The following SFXN5 variants were observed in gnomAD, a reference collection of about 807,000 sequenced individuals.
SFXN5 encodes sideroflexin 5, also known as sideroflexin-5.
In SFXN5, 43 loss-of-function variants were observed where a neutral mutation model predicts 50.2. The observed-to-expected ratio is 0.86, with a 90% CI of 0.67 to 1.11. The LOEUF (loss-of-function observed/expected upper bound fraction) is 1.11, where lower values mean the gene tolerates loss of function less well. Ranked by LOEUF, SFXN5 falls within the 50% of genes least tolerant of loss-of-function variation. SFXN5 has a pLI of 0.00. For missense variants in SFXN5, 463 were observed against 454.1 expected, an observed-to-expected ratio of 1.02 and a Z score of -0.18; for synonymous variants, 203 against 185.8, an observed-to-expected ratio of 1.09 and a Z score of -0.75.
At chr2:72,985,815 C>T (rs1267594760) in intron 10 of SFXN5, among the ~76,000 whole-genome samples, 1 of 152,202 alleles carries the variant, frequency 6.6e-6, no homozygotes, top group Non-Finnish European at 1.5e-5. Context: ...GGGAATTACA[C>T]TGGAGTCTGA....
chr2:73,023,972 G>A (rs958942709), intron 3 of SFXN5, among the ~76,000 whole-genome samples: 2 of 152,086 alleles, frequency 1.3e-5, no homozygotes, highest in Non-Finnish European at 2.9e-5. Flanking sequence ...AGACACCACT[G>A]ATCCTAAGAT....
intron 6 of SFXN5, among the ~76,000 whole-genome samples, chr2:73,017,708 G>A (rs1676350144): frequency 6.6e-6 from 1 of 152,166 alleles, no homozygotes; most frequent in South Asian, 2.1e-4. Flanking sequence ...TGAACATCGA[G>A]ATGTTTGATG....
At chr2:73,060,649 A>C (rs957972711) in intron 1 of SFXN5, among the ~76,000 whole-genome samples, 4 of 152,108 alleles carry the variant, frequency 2.6e-5, no homozygotes, top group African/African-American at 9.7e-5. Flanking sequence ...TATCCATGTT[A>C]AGTCTCCTGA....
chr2:72,964,859 C>T (rs1017177773), intron 12 of SFXN5, among the ~76,000 whole-genome samples: 3 of 152,186 alleles, frequency 2.0e-5, no homozygotes, highest in African/African-American at 7.2e-5. Context: ...GGCACCCAGA[C>T]ACTAGGCAGG....
chr2:72,996,335 C>T lies in SFXN5; in HGVS notation c.534+2614G>A, dbSNP rs115581107. ...CAGCAAGAGCTCAGCTCTGGGAACC[C>T]CAGAGGGCTCCAAGTCCCCCAGTAA... is the stretch of plus-strand genomic sequence containing the variant. On this transcript the variant is annotated intron_variant, in intron 9 of 13. Coordinates refer to ENST00000272433, the MANE Select transcript of SFXN5 (RefSeq NM_144579.3). Among the ~76,000 whole-genome samples, 1,155 of 152,196 alleles carry T rather than the reference C, an allele frequency of 7.6e-3. 14 individuals carry two copies. Among genetic ancestry groups the T allele is most frequent in the African/African-American group, 0.026 (1,078 of 41,520 alleles).
chr2:72,944,316 A>T lies in SFXN5; in HGVS notation c.*706T>A, dbSNP rs1189615926. The T allele has an allele frequency of 6.6e-6, 1 of 152,244 alleles. No individual in the cohort carries two copies. Among genetic ancestry groups the T allele is most frequent in the East Asian group, 1.9e-4 (1 of 5,202 alleles). The allele number at this position is 152,244 out of a possible 1,614,324, so 9.4% of individuals were successfully genotyped here. On this transcript the variant is annotated 3_prime_UTR_variant, in exon 14 of 14. Coordinates refer to ENST00000272433, the MANE Select transcript of SFXN5 (RefSeq NM_144579.3). ...GAAGGGGGACCCTAGCTCCAGGGTC[A>T]CTGGACTTCACTCAGAGGGACTGGT...
At chr2:72,976,040 A>T (rs181043899) in intron 10 of SFXN5, among the ~76,000 whole-genome samples, 33 of 152,366 alleles carry the variant, frequency 2.2e-4, no homozygotes, top group Non-Finnish European at 4.4e-4. Context: ...TGTTATGTGA[A>T]AAAAGCTACT....
Position 72,960,998 on chromosome 2 carries a change from G to T in SFXN5, c.945+133C>A. On this transcript the variant is annotated intron_variant, in intron 13 of 13. Transcript: ENST00000272433. This position sits in a 1 kb window ranked among gnomAD's most constrained non-coding sequence, Gnocchi z 6.1. ...CCTCACTCTGAGGGCCAGAGCCTGGGCCAGCCTCATTCACGGTTCCAGCCC... is the reference window on the plus strand; with the variant it reads ...CCTCACTCTGAGGGCCAGAGCCTGGTCCAGCCTCATTCACGGTTCCAGCCC... The T allele has an allele frequency of 1.8e-6, 1 of 567,724 alleles. No individual in the cohort carries two copies. Among genetic ancestry groups the T allele is most frequent in the Non-Finnish European group, 2.9e-6 (1 of 350,262 alleles). 35.2% of individuals were successfully genotyped at this position (567,724 alleles called of 1,614,324 possible). A position where few individuals can be genotyped will look rare whatever the true frequency, so the allele number is the denominator to read the frequency against.
intron 10 of SFXN5, among the ~76,000 whole-genome samples, chr2:72,979,858 G>T (rs1430509720): frequency 6.6e-6 from 1 of 152,044 alleles, no homozygotes; most frequent in Non-Finnish European, 1.5e-5. Flanking sequence ...GATATAATAG[G>T]CAGAGATTCA....
intron 10 of SFXN5, among the ~76,000 whole-genome samples, chr2:72,985,648 G>A (rs190452262): frequency 1.5e-3 from 230 of 152,256 alleles, no homozygotes; most frequent in Non-Finnish European, 2.8e-3. Flanking sequence ...AGAGGAAGAA[G>A]CCACAAAGGG....
intron 3 of SFXN5, 91 bp downstream of exon 3, chr2:73,040,763 A>T (rs1260174732): frequency 8.7e-6 from 9 of 1,035,736 alleles, no homozygotes; most frequent in Non-Finnish European, 1.3e-5. Context: ...GCTGGACGAA[A>T]GAAGTGGTTC....
Position 72,987,597 on chromosome 2 carries a change from A to C in SFXN5, c.625+661T>G, listed in dbSNP as rs566478548. On this transcript the variant is annotated intron_variant, in intron 10 of 13. Coordinates refer to ENST00000272433, the MANE Select transcript of SFXN5 (RefSeq NM_144579.3). ...ATGGTGAAACCCCATCTCTACTAAAAATGCAAAATTAGATGGGCATGGTGG... is the reference window on the plus strand; with the variant it reads ...ATGGTGAAACCCCATCTCTACTAAACATGCAAAATTAGATGGGCATGGTGG... Among the ~76,000 whole-genome samples the C allele has an allele frequency of 3.3e-5, 5 of 151,828 alleles. No individual in the cohort carries two copies. The South Asian group carries it at 1.0e-3, about 32-fold the overall frequency.
At chr2:73,015,826 C>T (rs1364842073) in intron 6 of SFXN5, among the ~76,000 whole-genome samples, 2 of 151,860 alleles carry the variant, frequency 1.3e-5, no homozygotes, top group African/African-American at 2.4e-5. Context: ...AATCCCAACA[C>T]TTTGGGAGGC....
chr2:73,061,645 A>G (rs1450830502), intron 1 of SFXN5, among the ~76,000 whole-genome samples: 1 of 152,228 alleles, frequency 6.6e-6, no homozygotes, highest in Non-Finnish European at 1.5e-5. Flanking sequence ...AAAGGTAAAA[A>G]TTATATTTTC....
rs368621279 is a variant in SFXN5 at position 73,048,749 on chromosome 2, C to T, written c.172-7818G>A. Among the ~76,000 whole-genome samples the T allele has an allele frequency of 2.0e-5, 3 of 152,288 alleles. No individual in the cohort carries two copies. In the East Asian group the frequency reaches 5.8e-4, roughly 29 times the overall value. ...AAAAGGTGTCCACTATTATAAGTAA[C>T]ATTGCAATTAATATCCTTGTATATA... On this transcript the variant is annotated intron_variant, in intron 2 of 13. Coordinates refer to ENST00000272433, the MANE Select transcript of SFXN5 (RefSeq NM_144579.3).
chr2:73,059,415 G>A (rs962301321), intron 1 of SFXN5: 2 of 985,356 alleles, frequency 2.0e-6, no homozygotes, highest in African/African-American at 1.7e-5. Flanking sequence ...CCTCCCTGGA[G>A]CCCCACAACT....
At chr2:73,022,989 G>T (rs1320156482) in intron 4 of SFXN5, among the ~76,000 whole-genome samples, 199 bp downstream of exon 4, 1 of 152,162 alleles carries the variant, frequency 6.6e-6, no homozygotes, top group Admixed American at 6.5e-5. Flanking sequence ...CCAGGGAAAG[G>T]CCAGCCTGGC....
intron 10 of SFXN5, among the ~76,000 whole-genome samples, chr2:72,978,667 G>C (rs1397604616): frequency 6.6e-6 from 1 of 152,094 alleles, no homozygotes; most frequent in Admixed American, 6.6e-5. Flanking sequence ...CTGCAGGTTG[G>C]GTAAATGCCC....
intron 6 of SFXN5, among the ~76,000 whole-genome samples, chr2:73,017,562 G>A (rs780906737): frequency 1.3e-5 from 2 of 152,166 alleles, no homozygotes; most frequent in African/African-American, 4.8e-5. Context: ...TAGTTACTAC[G>A]TATTTTGAGA....
Sources: gnomAD v4.1 joint callset for allele counts (sites outside exome capture counted in the v4.1 genomes callset) on GRCh38, gnomAD v4.1.1 for gene constraint, Gnocchi (gnomAD v3.1) non-coding constraint, MANE v1.5 for transcripts, NCBI Gene and HGNC (gene_info 2026-07-23, HGNC 2026-07-21) for gene names.